EPB41L1: variants seen among roughly 807,000 people sequenced by gnomAD.
EPB41L1 encodes band 4.1-like protein 1.
Under a neutral mutation model 97.8 loss-of-function variants are expected in EPB41L1, and 29 were observed. The ratio of observed to expected loss-of-function variants is 0.30; its 90% CI spans 0.22 to 0.40. The LOEUF is 0.40. Ranked by LOEUF, EPB41L1 falls within the 10% of genes least tolerant of loss-of-function variation. The pLI is 1.00. For synonymous variants in EPB41L1, 383 were observed against 459.2 expected, an observed-to-expected ratio of 0.83 and a Z score of 2.12; for missense variants, 812 against 1,162.3, an observed-to-expected ratio of 0.70 and a Z score of 4.38.
At chr20:36,132,644 T>C (rs1286006423) in intron 2 of EPB41L1, among the ~76,000 whole-genome samples, 1 of 148,562 alleles carries the variant, frequency 6.7e-6, no homozygotes, top group Non-Finnish European at 1.5e-5. Flanking sequence ...GACCCCCAGG[T>C]CCTGCTGGAA....
intron 1 of EPB41L1, 151 bp downstream of exon 1, chr20:36,155,047 G>C (rs1474214531): frequency 2.8e-6 from 2 of 724,326 alleles, no homozygotes; most frequent in Non-Finnish European, 2.1e-6. Flanking sequence ...GGGTCTCGCT[G>C]TTCCTCCCTA....
At chr20:36,138,329 A>C (rs944690291) in intron 2 of EPB41L1, among the ~76,000 whole-genome samples, 4 of 150,006 alleles carry the variant, frequency 2.7e-5, no homozygotes, top group Non-Finnish European at 4.4e-5. Context: ...CAGTGGCACG[A>C]TCTCAGGCTC....
chr20:36,227,272 G>A (rs748612062), intron 21 of EPB41L1, among the ~76,000 whole-genome samples: 2 of 151,994 alleles, frequency 1.3e-5, no homozygotes, highest in South Asian at 2.1e-4. Flanking sequence ...AGCTATGATC[G>A]CGCCACTGCA....
chr20:36,209,977 C>T lies in EPB41L1; in HGVS notation c.2079+79C>T, dbSNP rs2063041227. ...GGCCCTGGGCCACCCGTGAGAAGAC[C>T]GAGCACCCAGCCTGCAGCCTGAAGC... On this transcript the variant is annotated intron_variant, in intron 15 of 21. Coordinates refer to ENST00000338074, the MANE Select transcript of EPB41L1 (RefSeq NM_012156.2). The surrounding 1 kb of genome is among the most constrained non-coding windows in gnomAD (Gnocchi z 4.2). The T allele has an allele frequency of 1.8e-5, 27 of 1,536,584 alleles. No individual in the cohort carries two copies. Among genetic ancestry groups the T allele is most frequent in the East Asian group, 4.8e-5 (2 of 42,020 alleles).
At chr20:36,199,976 T>C (rs2062412259) in intron 14 of EPB41L1, among the ~76,000 whole-genome samples, 1 of 152,122 alleles carries the variant, frequency 6.6e-6, no homozygotes, top group Non-Finnish European at 1.5e-5. Context: ...TGGAATCTGC[T>C]CCACCTCCCA....
Position 36,195,957 on chromosome 20 carries a change from G to A in EPB41L1, c.1485+593G>A, listed in dbSNP as rs545960003. 6.6e-5 allele frequency among the ~76,000 whole-genome samples: 10 copies of A among 152,276 alleles called. No homozygotes were observed. The East Asian group carries it at 1.4e-3, about 21-fold the overall frequency. On this transcript the variant is annotated intron_variant, in intron 13 of 21. Transcript: ENST00000338074. This position sits in a 1 kb window ranked among gnomAD's most constrained non-coding sequence, Gnocchi z 4.6. ...CCCAGGCAGGGTCGACTACTGCTCC[G>A]CTATGGCAAAAACCTCCTCCTTTTC... is the stretch of plus-strand genomic sequence containing the variant.
At chr20:36,109,190 G>T (rs201051180) in intron 1 of EPB41L1, among the ~76,000 whole-genome samples, 1 of 151,854 alleles carries the variant, frequency 6.6e-6, no homozygotes, top group East Asian at 1.9e-4. Context: ...GTCATGATCC[G>T]CCTGCCTCGG....
intron 17 of EPB41L1, among the ~76,000 whole-genome samples, chr20:36,216,877 G>A (rs960941707): frequency 1.3e-5 from 2 of 152,162 alleles, no homozygotes; most frequent in African/African-American, 2.4e-5. Flanking sequence ...ACAGGATTTG[G>A]TCGTTGGTAG....
At chr20:36,135,521 A>G (rs2059385832) in intron 2 of EPB41L1, among the ~76,000 whole-genome samples, 1 of 152,180 alleles carries the variant, frequency 6.6e-6, no homozygotes, top group Non-Finnish European at 1.5e-5. Flanking sequence ...CTCTCCATAA[A>G]ATGGGTATAT....
At chr20:36,159,967 C>T (rs1313853223) in intron 1 of EPB41L1, among the ~76,000 whole-genome samples, 1 of 152,178 alleles carries the variant, frequency 6.6e-6, no homozygotes, top group Non-Finnish European at 1.5e-5. Flanking sequence ...GGCATGTAAA[C>T]ATCTTGGCAT....
intron 1 of EPB41L1, among the ~76,000 whole-genome samples, chr20:36,171,195 T>TC (rs1169018332): frequency 2.6e-5 from 4 of 152,032 alleles, no homozygotes; most frequent in Non-Finnish European, 5.9e-5. Flanking sequence ...TTCTTGCCTA[T>TC]AGGCCTTATC....
In EPB41L1 at chr20:36,206,929, C is replaced by G; in HGVS notation, c.1669-2559C>G. Reference sequence around the variant, plus strand: ...TCCCGACCCCCAGGCCTGCGCCCTTCCTCGGGCCATCCCTCTGAATGTCAG... The same window carrying G: ...TCCCGACCCCCAGGCCTGCGCCCTTGCTCGGGCCATCCCTCTGAATGTCAG... On this transcript the variant is annotated intron_variant, in intron 14 of 21. Coordinates refer to ENST00000338074, the MANE Select transcript of EPB41L1 (RefSeq NM_012156.2). The surrounding 1 kb of genome is among the most constrained non-coding windows in gnomAD (Gnocchi z 5.5). 7.8e-7 allele frequency: 1 copy of G among 1,289,952 alleles called. No homozygotes were observed. The highest frequency in any genetic ancestry group is 1.0e-6 in the Non-Finnish European group (1 of 988,900). The allele number at this position is 1,289,952 out of a possible 1,614,324, so 79.9% of individuals were successfully genotyped here.
At chr20:36,155,726 T>A in intron 1 of EPB41L1, 2 of 439,858 alleles carry the variant, frequency 4.5e-6, no homozygotes, top group South Asian at 3.2e-5. Context: ...GCCATCGTCG[T>A]TGCTTTTCCC....
intron 2 of EPB41L1, chr20:36,125,302 G>A (rs2058917994): frequency 1.6e-6 from 1 of 637,274 alleles, no homozygotes; most frequent in Admixed American, 2.3e-5. Context: ...GGGGAGTGGA[G>A]GATAGGGGTG....
chr20:36,168,665 G>T (rs2145795067), intron 1 of EPB41L1, among the ~76,000 whole-genome samples: 1 of 151,894 alleles, frequency 6.6e-6, no homozygotes, highest in Non-Finnish European at 1.5e-5. Context: ...GAGTAGCTGG[G>T]ATTACAGCCT....
At chr20:36,204,203 T>C (rs919248317) in intron 14 of EPB41L1, among the ~76,000 whole-genome samples, 3 of 152,184 alleles carry the variant, frequency 2.0e-5, no homozygotes, top group Admixed American at 2.0e-4. Context: ...GGGGCTCTAG[T>C]TGGGGCAGTG....
At chr20:36,172,892 G>T (rs971475525) in intron 1 of EPB41L1, among the ~76,000 whole-genome samples, 2 of 152,172 alleles carry the variant, frequency 1.3e-5, no homozygotes, top group Admixed American at 1.3e-4. Context: ...GAGCCACCGC[G>T]CCTGGCGTGT....
intron 2 of EPB41L1, among the ~76,000 whole-genome samples, chr20:36,140,808 G>A (rs1416061713): frequency 6.6e-6 from 1 of 152,146 alleles, no homozygotes; most frequent in Non-Finnish European, 1.5e-5. Context: ...GGGTGTCACA[G>A]CCCCCACCCC....
intron 17 of EPB41L1, among the ~76,000 whole-genome samples, chr20:36,216,886 A>G (rs545965066): frequency 3.2e-4 from 48 of 152,304 alleles, no homozygotes; most frequent in Non-Finnish European, 4.6e-4. Context: ...GGTCGTTGGT[A>G]GGATGTTCAG....
Sources: allele counts gnomAD v4.1 joint callset (sites outside exome capture counted in the v4.1 genomes callset), GRCh38; gene constraint gnomAD v4.1.1; non-coding constraint Gnocchi (gnomAD v3.1); transcripts MANE v1.5; gene names NCBI Gene and HGNC (gene_info 2026-07-23, HGNC 2026-07-21).